The following GPRC5A variants were observed in gnomAD, a reference collection of about 807,000 sequenced individuals.
The protein encoded by GPRC5A is retinoic acid-induced protein 3.
GPRC5A carries 19 observed loss-of-function variants against 22.5 expected under a neutral mutation model. That is an observed-to-expected ratio of 0.85 (90% CI 0.59 to 1.24). The LOEUF is 1.24. Among genes scored for constraint, GPRC5A ranks in the 50% most tolerant of loss-of-function variants. The pLI is 0.00. For missense variants in GPRC5A, 471 were observed against 451.1 expected (o/e 1.04, Z -0.40); for synonymous variants, 192 against 184.5 (o/e 1.04, Z -0.33).
In GPRC5A at chr12:12,900,903, A is replaced by C. The variant is rs1367811251; in HGVS notation, c.-7-7340A>C. 2.0e-3 allele frequency among the ~76,000 whole-genome samples: 262 copies of C among 131,016 alleles called. 1 individual carries two copies. The highest frequency in any genetic ancestry group is 3.3e-3 in the Admixed American group (43 of 12,926). The allele number at this position is 131,016 out of a possible 152,430, so 86.0% of individuals were successfully genotyped here. A position where few individuals can be genotyped will look rare whatever the true frequency, so the allele number is the denominator to read the frequency against. On this transcript the variant is annotated intron_variant, in intron 1 of 3. Coordinates refer to ENST00000014914, the MANE Select transcript of GPRC5A (RefSeq NM_003979.4). ...AAAAACTCCGTCTCAAAAAAAAAAA[A>C]AAAAAAAAAACAAAAAAAAAACAAC...
At chr12:12,895,655 T>G (rs1863814543) in intron 1 of GPRC5A, among the ~76,000 whole-genome samples, 1 of 151,602 alleles carries the variant, frequency 6.6e-6, no homozygotes, top group Admixed American at 6.6e-5. Flanking sequence ...GATATTTAAA[T>G]GAAGGGATCT....
rs746863431 is a variant in GPRC5A, at chr12:12,908,511, G to T, written c.262G>T (p.Gly88Ter). The change falls in exon 2 of 4, where the codon GGA becomes TGA. Residue 88 changes from glycine to a stop codon, truncating the protein, a stop_gained. Transcript: ENST00000014914. LOFTEE classifies it high-confidence loss of function. ...TGGCCTCACCTTCGCCTTCATCATCGGACTGGACGGGAGCACAGGGCCCAC... is the reference window on the plus strand; with the variant it reads ...TGGCCTCACCTTCGCCTTCATCATCTGACTGGACGGGAGCACAGGGCCCAC... ...IFGLTFAFII[G>*]LDGSTGPTRF... The T allele has an allele frequency of 5.6e-6, 9 of 1,614,120 alleles. No homozygotes were observed. The South Asian group carries it at 9.9e-5, about 18-fold the overall frequency.
chr12:12,905,809 C>T (rs953638105), intron 1 of GPRC5A, among the ~76,000 whole-genome samples: 1 of 152,282 alleles, frequency 6.6e-6, no homozygotes, highest in African/African-American at 2.4e-5. Context: ...TTTCTCCTGA[C>T]AAAGGACAGA....
intron 1 of GPRC5A, among the ~76,000 whole-genome samples, chr12:12,907,635 G>T (rs538637489): frequency 1.3e-5 from 2 of 151,534 alleles, no homozygotes; most frequent in African/African-American, 4.8e-5. Flanking sequence ...ATATATACAC[G>T]TATATATATT....
chr12:12,911,926 G>A (rs912017070), intron 2 of GPRC5A, among the ~76,000 whole-genome samples, 158 bp from the exon 3 acceptor site: 1 of 152,188 alleles, frequency 6.6e-6, no homozygotes, highest in African/African-American at 2.4e-5. Flanking sequence ...CCTGGTCCTA[G>A]GCTTGAGGAC....
At chr12:12,900,891 C>CAAAAAAAAAAAA (rs756416857) in intron 1 of GPRC5A, among the ~76,000 whole-genome samples, 9 of 21,640 alleles carry the variant, frequency 4.2e-4, no homozygotes, top group East Asian at 7.3e-4. Context: ...AACTCCGTCT[C>CAAAAAAAAAAAA]AAAAAAAAAA....
intron 1 of GPRC5A, among the ~76,000 whole-genome samples, chr12:12,904,970 T>C (rs1162902286): frequency 4.7e-5 from 7 of 149,860 alleles, no homozygotes; most frequent in Admixed American, 3.3e-4. Flanking sequence ...ACTGCACCTC[T>C]GCCTCCCGGG....
At position 12,914,580 on chromosome 12, in the gene GPRC5A, C is replaced by CT. The variant is rs201244280; in HGVS notation, c.*2044dup. 6.8e-5 allele frequency: 6 copies of CT among 87,828 alleles called. No homozygotes were observed. The highest frequency in any genetic ancestry group is 4.1e-4 in the African/African-American group (6 of 14,778). The allele number at this position is 87,828 out of a possible 1,614,324, so 5.4% of individuals were successfully genotyped here. A position where few individuals can be genotyped will look rare whatever the true frequency, so the allele number is the denominator to read the frequency against. On this transcript the variant is annotated 3_prime_UTR_variant, in exon 4 of 4. Coordinates refer to ENST00000014914, the MANE Select transcript of GPRC5A (RefSeq NM_003979.4). The stretch of plus-strand genomic sequence containing the variant: ...TCTTTCTTTCTTTCTTTCTTTCTTT[C>CT]TTTCTTTCTTTCTTTCTCTCTCTCT...
At chr12:12,895,705 C>T (rs990583570) in intron 1 of GPRC5A, among the ~76,000 whole-genome samples, 9 of 150,368 alleles carry the variant, frequency 6.0e-5, no homozygotes, top group South Asian at 4.3e-4. Context: ...AGGGCCGGCG[C>T]GGTGGCTCAC....
intron 1 of GPRC5A, among the ~76,000 whole-genome samples, chr12:12,899,227 G>C (rs114525914): frequency 6.6e-6 from 1 of 152,016 alleles, no homozygotes; most frequent in East Asian, 1.9e-4. Flanking sequence ...TGTACAGCGG[G>C]GGTCTCACTA....
chr12:12,901,905 A>G, intron 1 of GPRC5A, among the ~76,000 whole-genome samples: 1 of 152,184 alleles, frequency 6.6e-6, no homozygotes, highest in East Asian at 1.9e-4. Flanking sequence ...GTTACAAATA[A>G]TATCCAAACC....
At chr12:12,904,465 G>A (rs756595914) in intron 1 of GPRC5A, among the ~76,000 whole-genome samples, 21 of 152,108 alleles carry the variant, frequency 1.4e-4, no homozygotes, top group Non-Finnish European at 2.6e-4. Context: ...GAGGGAAGGC[G>A]GTGGGAGGCC....
At chr12:12,899,649 C>T (rs1316626261) in intron 1 of GPRC5A, among the ~76,000 whole-genome samples, 1 of 152,116 alleles carries the variant, frequency 6.6e-6, no homozygotes, top group African/African-American at 2.4e-5. Context: ...CATAACTACT[C>T]AGCATAGTGC....
rs1864033332 is a variant in GPRC5A, at chr12:12,914,044, C to T, written c.*1505C>T. 1 of 152,176 alleles carries T rather than the reference C, an allele frequency of 6.6e-6. No individual in the cohort carries two copies. The highest frequency in any genetic ancestry group is 6.5e-5 in the Admixed American group (1 of 15,278). 9.4% of individuals were successfully genotyped at this position (152,176 alleles called of 1,614,324 possible). ...GTTCACAAATGTCTCTTGGCAAAAA[C>T]ATGTGACACCTAACCATGATAATTG... On this transcript the variant is annotated 3_prime_UTR_variant, in exon 4 of 4. Coordinates refer to ENST00000014914, the MANE Select transcript of GPRC5A (RefSeq NM_003979.4).
rs1249409353 is a variant in GPRC5A at position 12,908,330 on chromosome 12, G to C, written c.81G>C (p.Trp27Cys). 1 of 1,613,846 alleles carries C rather than the reference G, an allele frequency of 6.2e-7. No homozygotes were observed. The stretch of plus-strand genomic sequence containing the variant: ...GACTTTGTGATAAGGCTGAAGCTTG[G>C]GGCATCGTCCTAGAAACGGTGGCCA... The part of the protein sequence containing the change: ...YYRLCDKAEA[W>C]GIVLETVATA... Residue 27 changes from tryptophan (W) to cysteine (C), a missense_variant, in exon 2 of 4, where the codon TGG (tryptophan) becomes TGC (cysteine). Trp to Cys is a radical substitution (Grantham distance 215). Coordinates refer to ENST00000014914, the MANE Select transcript of GPRC5A (RefSeq NM_003979.4).
rs149217077 is a variant in GPRC5A, at chr12:12,896,382, C to T, written c.-8+4718C>T. Among the ~76,000 whole-genome samples, 679 of 152,280 alleles carry T rather than the reference C, an allele frequency of 4.5e-3. 4 individuals are homozygous for T. Among genetic ancestry groups the T allele is most frequent in the Admixed American group, 0.012 (177 of 15,288 alleles). On this transcript the variant is annotated intron_variant, in intron 1 of 3. Transcript: ENST00000014914. ...TTCATAAGTTATTGCCATGATTCAT[C>T]ACTTTTATGTCATCAGAGTTGGGAT...
At position 12,909,239 on chromosome 12, in the gene GPRC5A, T is replaced by C. The variant is rs1228380125; in HGVS notation, c.922+68T>C. Reference sequence around the variant, plus strand: ...GGTGGGGGAGAATCATAGGATATTATAACTGTAAGGAACATGCAAGATTTT... The same window carrying C: ...GGTGGGGGAGAATCATAGGATATTACAACTGTAAGGAACATGCAAGATTTT... On this transcript the variant is annotated intron_variant, in intron 2 of 3. Transcript: ENST00000014914. The C allele has an allele frequency of 2.7e-6, 3 of 1,101,344 alleles. No homozygotes were observed. In the East Asian group the frequency reaches 7.1e-5, roughly 26 times the overall value. 68.2% of individuals were successfully genotyped at this position (1,101,344 alleles called of 1,614,324 possible). A position where few individuals can be genotyped will look rare whatever the true frequency, so the allele number is the denominator to read the frequency against.
rs1370531093 is a variant in GPRC5A, at chr12:12,909,221, G to A, written c.922+50G>A. 4.9e-6 allele frequency: 6 copies of A among 1,226,594 alleles called. No homozygotes were observed. In the East Asian group the frequency reaches 7.0e-5, roughly 14 times the overall value. 76.0% of individuals were successfully genotyped at this position (1,226,594 alleles called of 1,614,324 possible). On this transcript the variant is annotated intron_variant, in intron 2 of 3. Transcript: ENST00000014914. ...GAGAATCCCTTGTAGAAAGGTGGGGGAGAATCATAGGATATTATAACTGTA... is the reference window on the plus strand; with the variant it reads ...GAGAATCCCTTGTAGAAAGGTGGGGAAGAATCATAGGATATTATAACTGTA...
At chr12:12,910,375 A>C (rs1487915670) in intron 2 of GPRC5A, among the ~76,000 whole-genome samples, 1 of 152,002 alleles carries the variant, frequency 6.6e-6, no homozygotes, top group Non-Finnish European at 1.5e-5. Context: ...TCACTCCTGT[A>C]CTTCCTGTTC....
Sources: gnomAD v4.1 joint callset for allele counts (sites outside exome capture counted in the v4.1 genomes callset) on GRCh38, gnomAD v4.1.1 for gene constraint, MANE v1.5 for transcripts, NCBI Gene and HGNC (gene_info 2026-07-23, HGNC 2026-07-21) for gene names.